Variants in EPHA5 observed in about 807,000 individuals in gnomAD.
EPHA5 encodes the protein ephrin type-A receptor 5.
Under a neutral mutation model 105.0 loss-of-function variants are expected in EPHA5, and 60 were observed. The ratio of observed to expected loss-of-function variants is 0.57; its 90% CI spans 0.46 to 0.71. EPHA5 has a LOEUF of 0.71. Among genes scored for constraint, EPHA5 ranks in the 30% least tolerant of loss-of-function variants. EPHA5 has a pLI of 0.00. For missense variants in EPHA5, 1,218 were observed against 1,274.7 expected (o/e 0.96, Z 0.68); for synonymous variants, 513 against 449.1 (o/e 1.14, Z -1.80).
chr4:65,458,824 A>G (rs1045962323), intron 5 of EPHA5, among the ~76,000 whole-genome samples: 5 of 152,140 alleles, frequency 3.3e-5, no homozygotes, highest in African/African-American at 7.2e-5. Context: ...AATTTAGTGA[A>G]CCGTTCATTT....
At position 65,326,005 on chromosome 4, in the gene EPHA5, T is replaced by C. The variant is rs1041874472; in HGVS notation, c.2946-1786A>G. On this transcript the variant is annotated intron_variant, in intron 16 of 16. Coordinates refer to ENST00000613740, the MANE Select transcript of EPHA5 (RefSeq NM_001281766.3). ...CTCCTGGTTGAGAATCATTGAGATA[T>C]ATATATCTCATATATATATATATCT... is the stretch of plus-strand genomic sequence containing the variant. 2.7e-5 allele frequency among the ~76,000 whole-genome samples: 4 copies of C among 145,506 alleles called. No homozygotes were observed. The East Asian group carries it at 7.9e-4, about 29-fold the overall frequency.
chr4:65,345,484 G>C (rs371426784), intron 14 of EPHA5, among the ~76,000 whole-genome samples: 1 of 152,224 alleles, frequency 6.6e-6, no homozygotes, highest in Non-Finnish European at 1.5e-5. Flanking sequence ...CAAAGAGAAG[G>C]CACTGCTAGT....
intron 3 of EPHA5, among the ~76,000 whole-genome samples, chr4:65,505,122 T>C (rs1475944741): frequency 5.3e-5 from 8 of 152,024 alleles, no homozygotes; most frequent in African/African-American, 1.4e-4. Context: ...AGATAAAGAT[T>C]TGAGAATTGG....
At chr4:65,419,045 A>T (rs964317630) in intron 6 of EPHA5, among the ~76,000 whole-genome samples, 5 of 150,944 alleles carry the variant, frequency 3.3e-5, no homozygotes, top group Non-Finnish European at 7.4e-5. Context: ...TACCACACCC[A>T]GCTAATTTTT....
chr4:65,554,869 A>G (rs768387986), intron 3 of EPHA5, among the ~76,000 whole-genome samples: 13 of 151,306 alleles, frequency 8.6e-5, no homozygotes, highest in Non-Finnish European at 1.3e-4. Flanking sequence ...CTCAGACTCC[A>G]TTATTCATAA....
chr4:65,446,936 T>C (rs1726593004), intron 5 of EPHA5, among the ~76,000 whole-genome samples: 1 of 151,778 alleles, frequency 6.6e-6, no homozygotes, highest in Non-Finnish European at 1.5e-5. Context: ...TAGTTAGAAT[T>C]AAAGACTGCT....
chr4:65,532,470 C>G (rs1735896243), intron 3 of EPHA5, among the ~76,000 whole-genome samples: 1 of 151,648 alleles, frequency 6.6e-6, no homozygotes, highest in Non-Finnish European at 1.5e-5. Flanking sequence ...AATAATAGAC[C>G]AATCCTATGT....
intron 5 of EPHA5, among the ~76,000 whole-genome samples, chr4:65,469,973 C>T (rs1473622620): frequency 6.6e-6 from 1 of 151,844 alleles, no homozygotes. Context: ...AGCCATTAGG[C>T]TTTAAAAAAG....
chr4:65,605,351 G>C (rs902844424), intron 2 of EPHA5, among the ~76,000 whole-genome samples: 5 of 152,182 alleles, frequency 3.3e-5, no homozygotes, highest in African/African-American at 1.2e-4. Flanking sequence ...TTAGGAACTA[G>C]TTTCTCCCCA....
At chr4:65,640,150 A>C (rs909642382) in intron 2 of EPHA5, among the ~76,000 whole-genome samples, 27 of 152,152 alleles carry the variant, frequency 1.8e-4, no homozygotes, top group Non-Finnish European at 7.4e-5. Context: ...GACAACTCTG[A>C]AAATTAGATT....
chr4:65,412,472 T>C (rs1176148150), intron 7 of EPHA5, among the ~76,000 whole-genome samples: 7 of 152,282 alleles, frequency 4.6e-5, no homozygotes, highest in Non-Finnish European at 7.4e-5. Context: ...TGATATCTAA[T>C]AGATACTCTC....
At chr4:65,394,669 G>T (rs554568733) in intron 8 of EPHA5, among the ~76,000 whole-genome samples, 6 of 152,052 alleles carry the variant, frequency 3.9e-5, no homozygotes, top group Non-Finnish European at 8.8e-5. Context: ...CAATGCCAAA[G>T]AATTAAGGCA....
chr4:65,500,903 A>G (rs1347379581), intron 3 of EPHA5, among the ~76,000 whole-genome samples: 1 of 151,240 alleles, frequency 6.6e-6, no homozygotes, highest in African/African-American at 2.4e-5. Flanking sequence ...TTTGCAGTGT[A>G]CAAGATATAA....
At chr4:65,517,423 G>C (rs1734212119) in intron 3 of EPHA5, among the ~76,000 whole-genome samples, 1 of 151,518 alleles carries the variant, frequency 6.6e-6, no homozygotes, top group Non-Finnish European at 1.5e-5. Flanking sequence ...CATTTATTTT[G>C]AGTAACTTTT....
rs1717734550 is a variant in EPHA5, at chr4:65,365,074, T to C, written c.2116A>G (p.Ile706Val). The C allele has an allele frequency of 6.2e-7, 1 of 1,611,804 alleles. No individual in the cohort carries two copies. The highest frequency in any genetic ancestry group is 8.5e-7 in the Non-Finnish European group (1 of 1,178,516). Reference protein sequence around the residue: ...QRRDFLGEASIMGQFDHPNII... With the variant: ...QRRDFLGEASVMGQFDHPNII... ...TTAGGATGATCAAACTGTCCCATGA[T>C]ACTTGCTTCACCTAGGAAATCTCTG... is the stretch of plus-strand genomic sequence containing the variant. The change falls in exon 11 of 17, where the codon ATC (isoleucine) becomes GTC (valine). Residue 706 changes from isoleucine (I) to valine (V), a missense_variant. This residue lies in a region of EPHA5 where 971 missense variants were observed against 1,013.5 expected (regional missense o/e 0.96). Transcript: ENST00000613740.
At chr4:65,430,376 C>T (rs953499710) in intron 5 of EPHA5, among the ~76,000 whole-genome samples, 8 of 151,746 alleles carry the variant, frequency 5.3e-5, no homozygotes, top group African/African-American at 1.7e-4. Flanking sequence ...GAAAAAAACT[C>T]AATTATTAGA....
At chr4:65,573,410 CAA>C (rs71657188) in intron 3 of EPHA5, 19,349 of 640,194 alleles carry the variant, frequency 0.03, no homozygotes, top group South Asian at 0.033. Context: ...GACTCCGTCT[CAA>C]AAAAAAAAAA....
chr4:65,383,179 G>T (rs1300860058), intron 8 of EPHA5, among the ~76,000 whole-genome samples: 1 of 147,364 alleles, frequency 6.8e-6, no homozygotes, highest in African/African-American at 2.5e-5. Flanking sequence ...CATATATATG[G>T]TATATATGTA....
At chr4:65,604,949 G>C (rs1422591773) in intron 2 of EPHA5, among the ~76,000 whole-genome samples, 1 of 152,142 alleles carries the variant, frequency 6.6e-6, no homozygotes, top group Non-Finnish European at 1.5e-5. Context: ...TCGATTACTA[G>C]AAGTTGTGAG....
Sources: allele counts gnomAD v4.1 joint callset (sites outside exome capture counted in the v4.1 genomes callset), GRCh38; gene constraint gnomAD v4.1.1; regional missense constraint gnomAD v4.1.1; transcripts MANE v1.5; gene names NCBI Gene and HGNC (gene_info 2026-07-23, HGNC 2026-07-21).